The following ROBO2 variants were observed in gnomAD, a reference collection of about 807,000 sequenced individuals.
The protein encoded by ROBO2 is roundabout guidance receptor 2.
In ROBO2, 53 loss-of-function variants were observed where a neutral mutation model predicts 160.8. The observed-to-expected ratio is 0.33, with a 90% CI of 0.26 to 0.41. The LOEUF (loss-of-function observed/expected upper bound fraction) is 0.41. Among genes scored for constraint, ROBO2 ranks in the 10% least tolerant of loss-of-function variants. ROBO2 has a pLI of 1.00. For missense variants in ROBO2, 1,577 were observed against 1,722.4 expected (o/e 0.92, Z 1.49); for synonymous variants, 664 against 611.7 (o/e 1.09, Z -1.26).
chr3:77,101,391 C>T (rs2071907185), intron 2 of ROBO2, among the ~76,000 whole-genome samples: 1 of 152,122 alleles, frequency 6.6e-6, no homozygotes, highest in African/African-American at 2.4e-5. Context: ...CTCTAGGGAA[C>T]AGAACAGTAT....
intron 2 of ROBO2, among the ~76,000 whole-genome samples, chr3:76,835,450 A>G (rs1418859268): frequency 3.4e-5 from 5 of 148,074 alleles, no homozygotes; most frequent in Non-Finnish European, 7.4e-5. Context: ...GTAATACATT[A>G]TATGTTTGCA....
In ROBO2 at chr3:76,843,506, TAGA is replaced by T. The variant is rs1196082972; in HGVS notation, c.110-254501_110-254499del. Among the ~76,000 whole-genome samples, 6 of 152,190 alleles carry T rather than the reference TAGA, an allele frequency of 3.9e-5. No individual in the cohort carries two copies. In the East Asian group the frequency reaches 9.7e-4, roughly 25 times the overall value. ...GAGCTCAGTTTTCTTTACCTACTTA[TAGA>T]AGAAGACATAATAATAATTCCTGCT... is the stretch of plus-strand genomic sequence containing the variant. On this transcript the variant is annotated intron_variant, in intron 2 of 26. Transcript: ENST00000487694.
intron 2 of ROBO2, among the ~76,000 whole-genome samples, chr3:77,356,328 T>TGA (rs150964943): frequency 1.3e-5 from 2 of 150,788 alleles, no homozygotes; most frequent in African/African-American, 2.4e-5. Flanking sequence ...TATGTGTGCA[T>TGA]GAGAGAGAGA....
chr3:77,527,623 T>A (rs557416747), intron 6 of ROBO2, among the ~76,000 whole-genome samples: 1 of 151,740 alleles, frequency 6.6e-6, no homozygotes, highest in Non-Finnish European at 1.5e-5. Flanking sequence ...AATAAGTAGG[T>A]AACAATTTTT....
intron 2 of ROBO2, among the ~76,000 whole-genome samples, chr3:76,817,518 T>G (rs989617132): frequency 2.6e-5 from 4 of 151,956 alleles, no homozygotes; most frequent in African/African-American, 4.8e-5. Context: ...TTTCAATAGG[T>G]TTTTGGAGAA....
chr3:77,437,536 A>G (rs1303775986), intron 2 of ROBO2, among the ~76,000 whole-genome samples: 1 of 151,980 alleles, frequency 6.6e-6, no homozygotes, highest in African/African-American at 2.4e-5. Context: ...ACTGCCTATT[A>G]AAGCATCTAA....
At chr3:76,205,705 G>A (rs1235810791) in intron 2 of ROBO2, among the ~76,000 whole-genome samples, 1 of 152,128 alleles carries the variant, frequency 6.6e-6, no homozygotes, top group African/African-American at 2.4e-5. Flanking sequence ...AGGGTTAAGA[G>A]CTTTGCTCTT....
intron 2 of ROBO2, among the ~76,000 whole-genome samples, chr3:77,011,275 A>C (rs1469498797): frequency 6.6e-6 from 1 of 152,054 alleles, no homozygotes; most frequent in African/African-American, 2.4e-5. Flanking sequence ...TCGTATATTT[A>C]GTGCCTAGTT....
At chr3:76,874,427 T>C (rs898226362) in intron 2 of ROBO2, among the ~76,000 whole-genome samples, 1 of 152,196 alleles carries the variant, frequency 6.6e-6, no homozygotes, top group African/African-American at 2.4e-5. Context: ...TGCTCTTGCT[T>C]TCTTTTTAAA....
At chr3:76,743,439 A>T (rs2093835013) in intron 2 of ROBO2, among the ~76,000 whole-genome samples, 1 of 152,174 alleles carries the variant, frequency 6.6e-6, no homozygotes, top group Non-Finnish European at 1.5e-5. Context: ...CTGTACATGT[A>T]CATCCTGAAT....
intron 2 of ROBO2, among the ~76,000 whole-genome samples, chr3:76,051,398 CTT>C (rs1297744894): frequency 6.6e-6 from 1 of 152,138 alleles, no homozygotes; most frequent in Non-Finnish European, 1.5e-5. Flanking sequence ...TTTTTGTAGA[CTT>C]TGTTTTCACA....
chr3:76,422,301 G>A (rs932417408), intron 2 of ROBO2, among the ~76,000 whole-genome samples: 2 of 152,170 alleles, frequency 1.3e-5, no homozygotes, highest in Non-Finnish European at 2.9e-5. Context: ...CTTATCAAGA[G>A]GTTGTATGTC....
chr3:77,098,049 A>G (rs2071340817), exon 2 of ROBO2: 1 of 1,524,248 alleles, frequency 6.6e-7, no homozygotes, highest in African/African-American at 1.4e-5. Flanking sequence ...TCCCCCGCGG[A>G]TTGTGGAGCA....
intron 2 of ROBO2, among the ~76,000 whole-genome samples, chr3:76,199,403 A>G (rs925838365): frequency 8.5e-5 from 13 of 152,090 alleles, no homozygotes; most frequent in African/African-American, 3.1e-4. Context: ...CTCCAACGGG[A>G]GGGAAATGGA....
intron 2 of ROBO2, among the ~76,000 whole-genome samples, chr3:76,507,997 T>C (rs1354524509): frequency 2.6e-5 from 4 of 152,184 alleles, no homozygotes; most frequent in African/African-American, 4.8e-5. Flanking sequence ...TTCCTCTTTA[T>C]ATATGTATAT....
chr3:77,601,043 G>A lies in ROBO2; in HGVS notation c.2855-1167G>A, dbSNP rs542686835. On this transcript the variant is annotated intron_variant, in intron 19 of 25. Coordinates refer to ENST00000461745, the Ensembl canonical transcript of ROBO2. Reference sequence around the variant, plus strand: ...TTCATAAAGACTTAAGTTATGCAGTGTACAAAATATAGTATACATTTCTTT... The same window carrying A: ...TTCATAAAGACTTAAGTTATGCAGTATACAAAATATAGTATACATTTCTTT... Among the ~76,000 whole-genome samples the A allele has an allele frequency of 2.0e-4, 30 of 152,150 alleles. 1 individual carries two copies. In the South Asian group the frequency reaches 6.0e-3, roughly 30 times the overall value.
chr3:76,330,758 C>G (rs2073422843), intron 2 of ROBO2, among the ~76,000 whole-genome samples: 2 of 152,172 alleles, frequency 1.3e-5, no homozygotes, highest in South Asian at 4.1e-4. Context: ...TACCAAATGT[C>G]TTTTGCTTTG....
intron 2 of ROBO2, among the ~76,000 whole-genome samples, chr3:76,066,857 A>G (rs573382382): frequency 2.0e-5 from 3 of 152,158 alleles, no homozygotes; most frequent in Non-Finnish European, 2.9e-5. Context: ...ACTGATAGAT[A>G]TAATCAATCA....
intron 23 of ROBO2, among the ~76,000 whole-genome samples, chr3:77,627,457 G>C (rs1369232501): frequency 6.7e-6 from 1 of 148,820 alleles, no homozygotes; most frequent in Non-Finnish European, 1.5e-5. Context: ...TTTTTTTTTT[G>C]TATTTTTAGT....
Sources: allele counts gnomAD v4.1 joint callset (sites outside exome capture counted in the v4.1 genomes callset), GRCh38; gene constraint gnomAD v4.1.1; transcripts MANE v1.5; gene names NCBI Gene and HGNC (gene_info 2026-07-23, HGNC 2026-07-21).